The following FLACC1 variants were observed in gnomAD, a reference collection of about 807,000 sequenced individuals.
The protein encoded by FLACC1 is flagellum-associated coiled-coil domain-containing protein 1.
Under a neutral mutation model 62.8 loss-of-function variants are expected in FLACC1, and 66 were observed. The observed-to-expected ratio is 1.05, with a 90% confidence interval of 0.86 to 1.29. The LOEUF is 1.29. FLACC1 is among the 50% of genes most tolerant of loss of function. FLACC1 has a pLI of 0.00. For synonymous variants in FLACC1, 156 were observed against 161.0 expected (o/e 0.97, Z 0.24); for missense variants, 452 against 489.1 (o/e 0.92, Z 0.71).
chr2:201,324,833 A>G (rs1950472375), intron 9 of FLACC1, among the ~76,000 whole-genome samples: 1 of 152,240 alleles, frequency 6.6e-6, no homozygotes, highest in Admixed American at 6.5e-5. Flanking sequence ...CAAGTTATCA[A>G]AACCTCTGGG....
chr2:201,356,310 G>A lies in FLACC1; in HGVS notation c.-48+672C>T, dbSNP rs184223895. Among the ~76,000 whole-genome samples, 254 of 152,164 alleles carry A rather than the reference G, an allele frequency of 1.7e-3. 1 individual carries two copies. The highest frequency in any genetic ancestry group is 5.7e-3 in the African/African-American group (238 of 41,514). On this transcript the variant is annotated intron_variant, in intron 1 of 14. Coordinates refer to ENST00000392257, the MANE Select transcript of FLACC1 (RefSeq NM_001127391.3). ...CCAGTAGCTGGAATTACAGGCACCCGCCACCATGCCTGGCTAATTTTTGTA... is the reference window on the plus strand; with the variant it reads ...CCAGTAGCTGGAATTACAGGCACCCACCACCATGCCTGGCTAATTTTTGTA...
chr2:201,336,133 T>G (rs946661302), intron 7 of FLACC1, among the ~76,000 whole-genome samples: 1 of 151,822 alleles, frequency 6.6e-6, no homozygotes, highest in Non-Finnish European at 1.5e-5. Context: ...ACCTGATAGG[T>G]TGTTCTTGAA....
intron 1 of FLACC1, among the ~76,000 whole-genome samples, 161 bp downstream of exon 1, chr2:201,356,821 C>T (rs1360194907): frequency 6.6e-6 from 1 of 152,108 alleles, no homozygotes; most frequent in Non-Finnish European, 1.5e-5. Context: ...GATTTTTTCT[C>T]CCCCTTTTTT....
At chr2:201,339,735 T>C (rs1315091424) in intron 7 of FLACC1, among the ~76,000 whole-genome samples, 1 of 152,196 alleles carries the variant, frequency 6.6e-6, no homozygotes, top group Non-Finnish European at 1.5e-5. Context: ...TGTTATTGAT[T>C]TCTAGTTTTA....
chr2:201,334,398 T>A (rs777843171), intron 7 of FLACC1, among the ~76,000 whole-genome samples: 2 of 152,206 alleles, frequency 1.3e-5, no homozygotes, highest in Non-Finnish European at 2.9e-5. Context: ...GATTTTTGTA[T>A]CTAAGTTCAT....
chr2:201,361,642 C>T (rs952474365), upstream of FLACC1, among the ~76,000 whole-genome samples: 4 of 152,052 alleles, frequency 2.6e-5, no homozygotes, highest in African/African-American at 7.2e-5. Flanking sequence ...CTGGATAGAT[C>T]TAAAGATTGT....
chr2:201,347,632 A>G (rs1950942019), intron 4 of FLACC1, among the ~76,000 whole-genome samples: 1 of 122,794 alleles, frequency 8.1e-6, no homozygotes, highest in South Asian at 2.9e-4. Context: ...CCTAAAACTA[A>G]AAAACAAAAC....
the FLACC1 span, among the ~76,000 whole-genome samples, chr2:201,364,191 T>A: frequency 6.2e-3 from 939 of 151,958 alleles, 12 homozygotes; most frequent in African/African-American, 0.022. Context: ...CAGAAGTGAA[T>A]AGGGTTATAG....
intron 12 of FLACC1, among the ~76,000 whole-genome samples, chr2:201,291,648 C>T (rs576151935): frequency 2.6e-5 from 4 of 152,302 alleles, no homozygotes; most frequent in South Asian, 2.1e-4. Flanking sequence ...TGCAGCTCCT[C>T]GCCAGCAACA....
At chr2:201,307,937 G>C (rs902579568) in intron 10 of FLACC1, among the ~76,000 whole-genome samples, 1 of 152,268 alleles carries the variant, frequency 6.6e-6, no homozygotes, top group East Asian at 1.9e-4. Context: ...TGCTATCATG[G>C]ATATCCTTAT....
chr2:201,310,491 G>A (rs1950197619), intron 9 of FLACC1, among the ~76,000 whole-genome samples: 1 of 152,138 alleles, frequency 6.6e-6, no homozygotes. Flanking sequence ...CAATTAAACA[G>A]GATGAAGGCT....
chr2:201,309,008 T>C (rs1249673925), intron 10 of FLACC1, 143 bp downstream of exon 10: 10 of 696,346 alleles, frequency 1.4e-5, no homozygotes, highest in Middle Eastern at 3.7e-4. Flanking sequence ...TCATGAAAAC[T>C]CTGGGCACCT....
At chr2:201,362,229 G>T (rs1258903975), upstream of FLACC1, among the ~76,000 whole-genome samples, 8 of 152,236 alleles carry the variant, frequency 5.3e-5, no homozygotes, top group South Asian at 1.0e-3. Context: ...AATTAAAGAT[G>T]ATGAGAATAG....
chr2:201,289,359 A>G, intron 14 of FLACC1, 98 bp downstream of exon 14: 3 of 1,115,046 alleles, frequency 2.7e-6, no homozygotes, highest in Non-Finnish European at 4.0e-6. Flanking sequence ...TGACATAACT[A>G]GGGAGCAGTT....
At chr2:201,305,324 C>T (rs1950079589) in intron 11 of FLACC1, among the ~76,000 whole-genome samples, 2 of 152,166 alleles carry the variant, frequency 1.3e-5, no homozygotes, top group African/African-American at 4.8e-5. Context: ...CCAACAGACA[C>T]ACGAAAAAAT....
chr2:201,341,392 CATAT>C (rs36018666), intron 7 of FLACC1, among the ~76,000 whole-genome samples: 4,344 of 146,060 alleles, frequency 0.03, 199 homozygotes, highest in African/African-American at 0.098. Context: ...TCATAAGATT[CATAT>C]ATATATATAT....
At chr2:201,344,068 C>T (rs1047984671) in intron 6 of FLACC1, 102 bp downstream of exon 6, 6 of 972,900 alleles carry the variant, frequency 6.2e-6, no homozygotes, top group Admixed American at 4.3e-5. Context: ...CAACATGGCT[C>T]ATATGAGTAA....
At chr2:201,351,250 TC>T (rs774311915) in intron 2 of FLACC1, 41 bp downstream of exon 2, 3 of 1,485,178 alleles carry the variant, frequency 2.0e-6, no homozygotes, top group Non-Finnish European at 2.8e-6. Context: ...TACAAATGGA[TC>T]CCAAGGTCCC....
intron 6 of FLACC1, among the ~76,000 whole-genome samples, chr2:201,343,150 T>C (rs998854029): frequency 1.3e-5 from 2 of 152,088 alleles, no homozygotes; most frequent in African/African-American, 4.8e-5. Flanking sequence ...CCAACACTAC[T>C]CCCTTCCACA....
Sources: allele counts gnomAD v4.1 joint callset (sites outside exome capture counted in the v4.1 genomes callset), GRCh38; gene constraint gnomAD v4.1.1; transcripts MANE v1.5; gene names NCBI Gene and HGNC (gene_info 2026-07-23, HGNC 2026-07-21).